The following PPP2R5C variants were observed in gnomAD, a reference collection of about 807,000 sequenced individuals.
PPP2R5C encodes the protein protein phosphatase 2 regulatory subunit B'gamma, also known as serine/threonine-protein phosphatase 2A 56 kDa regulatory subunit gamma isoform.
A neutral mutation model predicts 68.9 loss-of-function variants in PPP2R5C; 7 were observed. That is an observed-to-expected ratio of 0.10 (90% CI 0.06 to 0.19). The LOEUF is 0.19. Among genes scored for constraint, PPP2R5C ranks in the 10% least tolerant of loss-of-function variants. PPP2R5C has a pLI of 1.00. For missense variants in PPP2R5C, 348 were observed against 641.3 expected, an observed-to-expected ratio of 0.54 and a Z score of 4.94; for synonymous variants, 210 against 222.2, an observed-to-expected ratio of 0.95 and a Z score of 0.49.
exon 14 of PPP2R5C, chr14:101,926,608 C>CTAAACT (rs1566979552): frequency 1.3e-5 from 2 of 152,590 alleles, no homozygotes; most frequent in African/African-American, 2.4e-5. Context: ...ATTCTAAACA[C>CTAAACT]GTGATCTAGT....
At chr14:101,902,054 A>G (rs1438018234) in intron 9 of PPP2R5C, among the ~76,000 whole-genome samples, 165 bp downstream of exon 11, 1 of 152,180 alleles carries the variant, frequency 6.6e-6, no homozygotes, top group Non-Finnish European at 1.5e-5. Flanking sequence ...CTTGAATTCT[A>G]TAGAATACCC....
At chr14:101,820,782 C>T (rs1160146373) in intron 1 of PPP2R5C, 3 of 152,052 alleles carry the variant, frequency 2.0e-5, no homozygotes, top group African/African-American at 7.2e-5. Context: ...GCCATTTTCT[C>T]GCTGGTTTCT....
At chr14:101,845,077 G>C (rs1360345165) in intron 1 of PPP2R5C, among the ~76,000 whole-genome samples, 1 of 151,784 alleles carries the variant, frequency 6.6e-6, no homozygotes, top group East Asian at 1.9e-4. Context: ...AAATAATGCT[G>C]TGCTGGATTT....
intron 2 of PPP2R5C, among the ~76,000 whole-genome samples, chr14:101,777,839 G>C (rs1379597596): frequency 6.6e-6 from 1 of 151,856 alleles, no homozygotes; most frequent in African/African-American, 2.4e-5. Context: ...ATGGTACAAT[G>C]ATGGCTCACT....
chr14:101,910,813 A>G (rs1428582919), intron 11 of PPP2R5C, among the ~76,000 whole-genome samples: 1 of 146,292 alleles, frequency 6.8e-6, no homozygotes, highest in East Asian at 2.0e-4. Context: ...TAAAAATACA[A>G]AAAAAAAGGC....
chr14:101,767,192 T>C (rs1334637209), intron 2 of PPP2R5C: 1 of 152,244 alleles, frequency 6.6e-6, no homozygotes, highest in Non-Finnish European at 1.5e-5. Flanking sequence ...TTTCCTGTTA[T>C]AATCTGTCCC....
intron 1 of PPP2R5C, among the ~76,000 whole-genome samples, chr14:101,839,737 T>A (rs965917969): frequency 7.2e-5 from 11 of 152,226 alleles, no homozygotes; most frequent in Admixed American, 2.0e-4. Flanking sequence ...CTGACTTGAT[T>A]TATTGAATCG....
chr14:101,844,428 G>A (rs1165032026), intron 1 of PPP2R5C, among the ~76,000 whole-genome samples: 4 of 152,090 alleles, frequency 2.6e-5, no homozygotes, highest in African/African-American at 7.2e-5. Flanking sequence ...CTGATCCCCC[G>A]GCTGCCCCTG....
intron 5 of PPP2R5C, among the ~76,000 whole-genome samples, chr14:101,885,601 G>A (rs761821257): frequency 2.4e-4 from 37 of 152,334 alleles, no homozygotes; most frequent in East Asian, 9.7e-4. Context: ...GCATTTCGGC[G>A]TGAGAGCCTT....
chr14:101,912,420 G>C (rs774951347), exon 12 of PPP2R5C: 2 of 1,599,150 alleles, frequency 1.3e-6, no homozygotes, highest in Admixed American at 3.6e-5. Flanking sequence ...AAAAATGAAA[G>C]AACGGGAAGA....
At position 101,882,546 on chromosome 14, in the gene PPP2R5C, C is replaced by A; in HGVS notation, c.405+275C>A. The A allele has an allele frequency of 3.4e-6, 1 of 295,444 alleles. No homozygotes were observed. The highest frequency in any genetic ancestry group is 6.2e-6 in the Non-Finnish European group (1 of 160,470). The allele number at this position is 295,444 out of a possible 1,614,324, so 18.3% of individuals were successfully genotyped here. A position where few individuals can be genotyped will look rare whatever the true frequency, so the allele number is the denominator to read the frequency against. ...GATGGCCGTTGAATTGAATTCAGGC[C>A]CAGAGGTCCTAAGCCAACAATCTCC... On this transcript the variant is annotated intron_variant, in intron 3 of 13. Transcript: ENST00000334743. This position sits in a 1 kb window ranked among gnomAD's most constrained non-coding sequence, Gnocchi z 4.9.
At chr14:101,816,060 G>T (rs941393956) in intron 1 of PPP2R5C, among the ~76,000 whole-genome samples, 2 of 152,202 alleles carry the variant, frequency 1.3e-5, no homozygotes, top group Non-Finnish European at 1.5e-5. Context: ...TCCTCTATAC[G>T]CTGTAGTTAA....
intron 2 of PPP2R5C, among the ~76,000 whole-genome samples, chr14:101,857,114 T>C (rs1798538294): frequency 6.6e-6 from 1 of 152,260 alleles, no homozygotes; most frequent in Non-Finnish European, 1.5e-5. Context: ...TTGCATTTAT[T>C]AACTCATTTA....
At position 101,781,978 on chromosome 14, in the gene PPP2R5C, T is replaced by C. The variant is rs1318538384; in HGVS notation, c.94-4040T>C. Among the ~76,000 whole-genome samples, 3 of 150,154 alleles carry C rather than the reference T, an allele frequency of 2.0e-5. No individual in the cohort carries two copies. The highest frequency in any genetic ancestry group is 7.4e-5 in the African/African-American group (3 of 40,576). On this transcript the variant is annotated intron_variant, in intron 2 of 14. Transcript: ENST00000328724. This position sits in a 1 kb window ranked among gnomAD's most constrained non-coding sequence, Gnocchi z 6.4. ...CTGCTCCCAAGGGAGCCCCTCGCCC[T>C]CTCTCTCTCCTTCCCTCATTCCCTT...
chr14:101,828,350 A>G (rs1286626905), intron 1 of PPP2R5C, among the ~76,000 whole-genome samples: 2 of 152,190 alleles, frequency 1.3e-5, no homozygotes, highest in Admixed American at 1.3e-4. Flanking sequence ...TAAATGCACT[A>G]AATGCCCCTG....
intron 1 of PPP2R5C, among the ~76,000 whole-genome samples, chr14:101,852,008 T>C (rs183818746): frequency 3.3e-5 from 5 of 152,278 alleles, no homozygotes; most frequent in African/African-American, 1.2e-4. Flanking sequence ...GTATTCGCCG[T>C]TTAGGACTCA....
chr14:101,795,021 G>C (rs2038543082), intron 3 of PPP2R5C, among the ~76,000 whole-genome samples: 1 of 152,216 alleles, frequency 6.6e-6, no homozygotes, highest in Non-Finnish European at 1.5e-5. Context: ...CATAGTGGTG[G>C]TGAGAGTGGG....
At chr14:101,923,786 A>AT (rs1284586994) in intron 13 of PPP2R5C, among the ~76,000 whole-genome samples, 1 of 152,250 alleles carries the variant, frequency 6.6e-6, no homozygotes, top group African/African-American at 2.4e-5. Flanking sequence ...CTGCTGAGAA[A>AT]CACTTAGCAA....
chr14:101,844,328 C>T (rs781190347), intron 1 of PPP2R5C, among the ~76,000 whole-genome samples: 74 of 152,092 alleles, frequency 4.9e-4, no homozygotes, highest in Non-Finnish European at 5.6e-4. Flanking sequence ...CTCTCTGTCT[C>T]ACCTCCCCAG....
Sources: allele counts gnomAD v4.1 joint callset (sites outside exome capture counted in the v4.1 genomes callset), GRCh38; gene constraint gnomAD v4.1.1; non-coding constraint Gnocchi (gnomAD v3.1); transcripts MANE v1.5; gene names NCBI Gene and HGNC (gene_info 2026-07-23, HGNC 2026-07-21).